CBLB: variants seen among roughly 807,000 people sequenced by gnomAD.
CBLB encodes the protein Cbl proto-oncogene B, also known as E3 ubiquitin-protein ligase CBL-B.
CBLB carries 31 observed loss-of-function variants against 104.9 expected under a neutral mutation model. The ratio of observed to expected loss-of-function variants is 0.30; its 90% CI spans 0.22 to 0.40. The LOEUF is 0.40. CBLB is among the 10% of genes least tolerant of loss of function. The probability of loss-of-function intolerance (pLI) is 1.00; values close to 1 mark genes in which losing one functional copy is unlikely to be tolerated. For synonymous variants in CBLB, 440 were observed against 422.6 expected, an observed-to-expected ratio of 1.04 and a Z score of -0.51; for missense variants, 1,062 against 1,214.6, an observed-to-expected ratio of 0.87 and a Z score of 1.87.
At chr3:105,663,682 T>C (rs2064055712) in intron 18 of CBLB, among the ~76,000 whole-genome samples, 1 of 152,150 alleles carries the variant, frequency 6.6e-6, no homozygotes, top group Admixed American at 6.6e-5. Flanking sequence ...GGAATTAGCC[T>C]AACATGGTTG....
intron 3 of CBLB, among the ~76,000 whole-genome samples, chr3:105,852,661 T>C (rs372125919): frequency 0.021 from 1,898 of 89,052 alleles, 16 homozygotes; most frequent in Non-Finnish European, 0.036. Flanking sequence ...TCACTCACCG[T>C]TCACTCACTC....
rs66493673 is a variant in CBLB at position 105,741,095 on chromosome 3, G to GTTTTT, written c.846-469_846-465dup. Reference sequence around the variant, plus strand: ...TTGTAATTTAGACATAAAAATTAGGGTTTTTTTTTTTTTTTTTTTTTTGAG... The same window carrying GTTTTT: ...TTGTAATTTAGACATAAAAATTAGGGTTTTTTTTTTTTTTTTTTTTTTTTTTTGAG... On this transcript the variant is annotated intron_variant, in intron 6 of 18. Transcript: ENST00000394030. Among the ~76,000 whole-genome samples, 234 of 108,162 alleles carry GTTTTT rather than the reference G, an allele frequency of 2.2e-3. 9 individuals carry two copies. The highest frequency in any genetic ancestry group is 3.7e-3 in the South Asian group (11 of 2,950). 71.0% of individuals were successfully genotyped at this position (108,162 alleles called of 152,430 possible).
intron 18 of CBLB, 26 bp from the exon 19 acceptor site, chr3:105,659,255 C>G: frequency 6.2e-7 from 1 of 1,607,990 alleles, no homozygotes; most frequent in African/African-American, 1.3e-5. Flanking sequence ...AAGAGAGATA[C>G]TATTTAAACA....
chr3:105,721,983 C>T (rs1318976107), intron 9 of CBLB, among the ~76,000 whole-genome samples: 1 of 151,790 alleles, frequency 6.6e-6, no homozygotes, highest in Non-Finnish European at 1.5e-5. Flanking sequence ...TTTTATTTAA[C>T]AGCAAGCTGT....
At chr3:105,757,878 T>A (rs1400214583) in intron 4 of CBLB, among the ~76,000 whole-genome samples, 1 of 152,200 alleles carries the variant, frequency 6.6e-6, no homozygotes, top group Non-Finnish European at 1.5e-5. Flanking sequence ...CCAACTCTAT[T>A]TCTAATTTTA....
intron 14 of CBLB, 32 bp downstream of exon 14, chr3:105,685,288 T>G (rs1266578588): frequency 6.3e-7 from 1 of 1,582,648 alleles, no homozygotes; most frequent in African/African-American, 1.3e-5. Flanking sequence ...CTTATGCAGA[T>G]GTAAGTGGCA....
chr3:105,758,407 A>G (rs2077272063), intron 4 of CBLB, among the ~76,000 whole-genome samples: 1 of 152,168 alleles, frequency 6.6e-6, no homozygotes, highest in African/African-American at 2.4e-5. Flanking sequence ...AAAAGCTCAT[A>G]ACACTTTGTC....
rs185052879 is a variant in CBLB at position 105,782,305 on chromosome 3, C to A, written c.420-5763G>T. 1.7e-3 allele frequency among the ~76,000 whole-genome samples: 254 copies of A among 152,294 alleles called. 1 individual carries two copies. Among genetic ancestry groups the A allele is most frequent in the African/African-American group, 4.5e-3 (187 of 41,552 alleles). ...AAAGTCATAAGAGAAGTCAGCAGTGCGCCTAGGAACAACCTAAACTGAAAC... is the reference window on the plus strand; with the variant it reads ...AAAGTCATAAGAGAAGTCAGCAGTGAGCCTAGGAACAACCTAAACTGAAAC... On this transcript the variant is annotated intron_variant, in intron 3 of 18. Transcript: ENST00000394030.
chr3:105,814,858 G>C (rs1178809330), intron 3 of CBLB, among the ~76,000 whole-genome samples: 1 of 151,586 alleles, frequency 6.6e-6, no homozygotes, highest in Non-Finnish European at 1.5e-5. Flanking sequence ...CTAAGATTCA[G>C]TCACCTCCCA....
At chr3:105,810,175 A>G (rs530908293) in intron 3 of CBLB, among the ~76,000 whole-genome samples, 49 of 152,270 alleles carry the variant, frequency 3.2e-4, no homozygotes, top group East Asian at 9.6e-4. Flanking sequence ...TTAAAAATCA[A>G]TTGGGCTGGA....
At chr3:105,673,717 G>A (rs1432969085) in intron 17 of CBLB, 2 of 152,156 alleles carry the variant, frequency 1.3e-5, no homozygotes, top group Non-Finnish European at 2.9e-5. Flanking sequence ...ACTCAAGGTA[G>A]AACAATTCGT....
At chr3:105,682,583 C>T (rs1438818993) in intron 14 of CBLB, among the ~76,000 whole-genome samples, 2 of 152,024 alleles carry the variant, frequency 1.3e-5, no homozygotes, top group African/African-American at 4.8e-5. Flanking sequence ...CTTGGCTCAC[C>T]GCAACCTCCG....
chr3:105,698,254 C>T (rs2068640297), intron 12 of CBLB, among the ~76,000 whole-genome samples: 1 of 151,942 alleles, frequency 6.6e-6, no homozygotes, highest in Admixed American at 6.6e-5. Flanking sequence ...ATTTTTTCCT[C>T]AGAGCTCTCT....
At position 105,685,403 on chromosome 3, in the gene CBLB, A is replaced by G; in HGVS notation, c.2118T>C (p.Asp706=). 6.2e-7 allele frequency: 1 copy of G among 1,611,826 alleles called. No individual in the cohort carries two copies. Among genetic ancestry groups the G allele is most frequent in the Non-Finnish European group, 8.5e-7 (1 of 1,177,936 alleles). The change falls in exon 14 of 19, where the codon GAT becomes GAC. Residue 706 remains aspartate (D), a synonymous_variant. Coordinates refer to ENST00000394030, the MANE Select transcript of CBLB (RefSeq NM_170662.5). The part of the protein sequence containing the change: ...EKTRDPVEED[D]DEYKIPSSHP... ...GGGATGAAGGAATCTTGTATTCATC[A>G]TCATCTTCCTCTACTGGGTCTCTTG...
intron 13 of CBLB, among the ~76,000 whole-genome samples, chr3:105,689,524 G>A (rs527766726): frequency 6.7e-6 from 1 of 148,714 alleles, no homozygotes; most frequent in Non-Finnish European, 1.5e-5. Context: ...AAAAAAAAAA[G>A]ATATTCCTCA....
At chr3:105,863,396 G>T (rs906097124) in intron 2 of CBLB, among the ~76,000 whole-genome samples, 2 of 152,200 alleles carry the variant, frequency 1.3e-5, no homozygotes, top group Admixed American at 1.3e-4. Flanking sequence ...AACAACTTCA[G>T]TGAGGAAAAG....
chr3:105,864,364 T>C (rs930760396), intron 2 of CBLB, among the ~76,000 whole-genome samples: 2 of 152,178 alleles, frequency 1.3e-5, no homozygotes, highest in African/African-American at 4.8e-5. Flanking sequence ...GTTTATTAAG[T>C]GTTTAAGAAA....
intron 4 of CBLB, among the ~76,000 whole-genome samples, chr3:105,753,271 A>C (rs2076749720): frequency 6.6e-6 from 1 of 152,208 alleles, no homozygotes; most frequent in East Asian, 1.9e-4. Flanking sequence ...GTATGAAAAA[A>C]ACAGGAAACC....
At chr3:105,756,852 G>A (rs534444339) in intron 4 of CBLB, among the ~76,000 whole-genome samples, 2 of 152,290 alleles carry the variant, frequency 1.3e-5, no homozygotes, top group East Asian at 3.9e-4. Context: ...CTCAATTTTG[G>A]AGGTAGAGCC....
Sources: allele counts gnomAD v4.1 joint callset (sites outside exome capture counted in the v4.1 genomes callset), GRCh38; gene constraint gnomAD v4.1.1; transcripts MANE v1.5; gene names NCBI Gene and HGNC (gene_info 2026-07-23, HGNC 2026-07-21).